UIMC1: variants seen among roughly 807,000 people sequenced by gnomAD.
UIMC1 encodes the protein ubiquitin interaction motif containing 1, also known as BRCA1-A complex subunit RAP80.
A neutral mutation model predicts 84.9 loss-of-function variants in UIMC1; 42 were observed. The observed-to-expected ratio is 0.49, with a 90% CI of 0.39 to 0.64. The LOEUF is 0.64. Among genes scored for constraint, UIMC1 ranks in the 30% least tolerant of loss-of-function variants. The pLI, the probability that UIMC1 is intolerant of heterozygous loss-of-function variation, is 0.00. For synonymous variants in UIMC1, 281 were observed against 293.0 expected, an observed-to-expected ratio of 0.96 and a Z score of 0.42; for missense variants, 825 against 847.6, an observed-to-expected ratio of 0.97 and a Z score of 0.33.
At chr5:176,966,336 C>T (rs1768298336) in intron 6 of UIMC1, among the ~76,000 whole-genome samples, 1 of 152,148 alleles carries the variant, frequency 6.6e-6, no homozygotes, top group African/African-American at 2.4e-5. Flanking sequence ...AACTGGGATT[C>T]AAAGAGGTTA....
At chr5:176,925,917 A>C (rs532051035) in intron 10 of UIMC1, among the ~76,000 whole-genome samples, 3 of 152,338 alleles carry the variant, frequency 2.0e-5, no homozygotes, top group African/African-American at 7.2e-5. Flanking sequence ...TTGCATGCTT[A>C]AGTATTTCAG....
At chr5:176,973,789 G>A (rs1234761100) in intron 3 of UIMC1, among the ~76,000 whole-genome samples, 3 of 152,024 alleles carry the variant, frequency 2.0e-5, no homozygotes, top group Non-Finnish European at 4.4e-5. Flanking sequence ...TGTGGTCCTA[G>A]CTACTTGGGA....
At chr5:176,934,472 G>A (rs150148910) in intron 10 of UIMC1, among the ~76,000 whole-genome samples, 231 of 152,270 alleles carry the variant, frequency 1.5e-3, no homozygotes, top group African/African-American at 5.2e-3. Context: ...TCTTGAAACC[G>A]TGAATCAAGC....
At chr5:176,957,072 A>G (rs1405814933) in intron 7 of UIMC1, among the ~76,000 whole-genome samples, 1 of 152,198 alleles carries the variant, frequency 6.6e-6, no homozygotes, top group Non-Finnish European at 1.5e-5. Context: ...ATCATTTATT[A>G]AAACCTACAT....
chr5:176,918,730 C>T (rs907743611), intron 10 of UIMC1, among the ~76,000 whole-genome samples: 1 of 152,180 alleles, frequency 6.6e-6, no homozygotes, highest in Non-Finnish European at 1.5e-5. Flanking sequence ...GTCATATCTT[C>T]GCATTCCTTC....
At chr5:176,934,339 T>C (rs1409420104) in intron 10 of UIMC1, among the ~76,000 whole-genome samples, 3 of 152,214 alleles carry the variant, frequency 2.0e-5, no homozygotes, top group Non-Finnish European at 1.5e-5. Context: ...TAAGCTCAAA[T>C]TCCATGAGAA....
exon 1 of UIMC1, chr5:177,022,551 C>T: frequency 1.7e-6 from 1 of 592,528 alleles, no homozygotes; most frequent in South Asian, 2.5e-5. Context: ...GACAGGTTTC[C>T]GAATCCACGG....
intron 6 of UIMC1, among the ~76,000 whole-genome samples, chr5:176,960,541 A>C (rs1297292447): frequency 6.6e-6 from 1 of 151,962 alleles, no homozygotes; most frequent in Non-Finnish European, 1.5e-5. Flanking sequence ...TGGAGAAATA[A>C]TATGTTAATA....
chr5:176,946,003 T>C (rs1765061778), intron 9 of UIMC1, among the ~76,000 whole-genome samples: 2 of 152,242 alleles, frequency 1.3e-5, no homozygotes, highest in African/African-American at 4.8e-5. Flanking sequence ...ACAAATGTTA[T>C]GTTAAAGAAT....
rs78657316 is a variant in UIMC1, at chr5:176,941,375, C to T, written c.1597+1960G>A. Among the ~76,000 whole-genome samples, 1,103 of 152,056 alleles carry T rather than the reference C, an allele frequency of 7.3e-3. 4 individuals carry two copies. The highest frequency in any genetic ancestry group is 0.011 in the South Asian group (51 of 4,798). On this transcript the variant is annotated intron_variant, in intron 10 of 14. Transcript: ENST00000511320. ...GAGAGAGCTATATATAGCATGGTCCCGTTTATGTAAATAGTGCCTAATTTT... is the reference window on the plus strand; with the variant it reads ...GAGAGAGCTATATATAGCATGGTCCTGTTTATGTAAATAGTGCCTAATTTT...
chr5:176,950,890 G>T (rs536977599), intron 9 of UIMC1, among the ~76,000 whole-genome samples: 82 of 151,712 alleles, frequency 5.4e-4, no homozygotes, highest in African/African-American at 1.8e-3. Context: ...AAAAGAAAAG[G>T]AAAAATATAC....
intron 1 of UIMC1, among the ~76,000 whole-genome samples, chr5:177,016,541 A>G (rs964635909): frequency 2.0e-5 from 3 of 151,280 alleles, no homozygotes; most frequent in Non-Finnish European, 4.4e-5. Context: ...ATACAAAAAA[A>G]TTAGCTGGGT....
At chr5:176,963,157 T>TAAAAAAAAAA (rs70991588) in intron 6 of UIMC1, among the ~76,000 whole-genome samples, 3 of 13,986 alleles carry the variant, frequency 2.1e-4, no homozygotes, top group Non-Finnish European at 3.3e-4. Flanking sequence ...AAAAATAAAT[T>TAAAAAAAAAA]AAAAAAAAAA....
chr5:176,948,455 T>C (rs34605886), intron 9 of UIMC1, among the ~76,000 whole-genome samples: 9,972 of 152,296 alleles, frequency 0.065, 461 homozygotes, highest in Middle Eastern at 0.099. Flanking sequence ...CAGAGTAAAA[T>C]AGGTATTTCT....
At chr5:176,927,413 C>T (rs1762516483) in intron 10 of UIMC1, among the ~76,000 whole-genome samples, 1 of 151,894 alleles carries the variant, frequency 6.6e-6, no homozygotes, top group South Asian at 2.1e-4. Flanking sequence ...AGCACCACAC[C>T]TGGCTATTTT....
intron 3 of UIMC1, among the ~76,000 whole-genome samples, chr5:176,972,794 AAACACAAC>A (rs1402776538): frequency 6.6e-6 from 1 of 152,204 alleles, no homozygotes; most frequent in African/African-American, 2.4e-5. Context: ...TCAAGAACAA[AAACACAAC>A]AACAATTAAC....
At chr5:176,947,774 C>T (rs1765327662) in intron 9 of UIMC1, among the ~76,000 whole-genome samples, 1 of 151,692 alleles carries the variant, frequency 6.6e-6, no homozygotes, top group Non-Finnish European at 1.5e-5. Context: ...CGAGATTGCG[C>T]CACTGCACTC....
chr5:176,911,990 T>C (rs554159364), intron 10 of UIMC1, among the ~76,000 whole-genome samples: 20 of 152,360 alleles, frequency 1.3e-4, no homozygotes, highest in African/African-American at 4.3e-4. Context: ...GTTTATAAAA[T>C]AGTCTCTTAA....
intron 3 of UIMC1, among the ~76,000 whole-genome samples, chr5:176,973,299 T>A (rs1324465257): frequency 6.6e-6 from 1 of 151,648 alleles, no homozygotes; most frequent in Non-Finnish European, 1.5e-5. Context: ...GAGGCAAAAA[T>A]AAAATAAAAT....
Sources: gnomAD v4.1 joint callset for allele counts (sites outside exome capture counted in the v4.1 genomes callset) on GRCh38, gnomAD v4.1.1 for gene constraint, MANE v1.5 for transcripts, NCBI Gene and HGNC (gene_info 2026-07-23, HGNC 2026-07-21) for gene names.